ARHGEF9: variants seen among roughly 807,000 people sequenced by gnomAD.
ARHGEF9 encodes the protein rho guanine nucleotide exchange factor 9.
A neutral mutation model predicts 41.3 loss-of-function variants in ARHGEF9; 2 were observed. That is an observed-to-expected ratio of 0.05 (90% CI 0.02 to 0.15). ARHGEF9 has a LOEUF of 0.15. Among genes scored for constraint, ARHGEF9 ranks in the 10% least tolerant of loss-of-function variants. ARHGEF9 has a pLI of 1.00. For synonymous variants in ARHGEF9, 160 were observed against 154.4 expected (o/e 1.04, Z -0.27); for missense variants, 225 against 424.7 (o/e 0.53, Z 4.13).
intron 8 of ARHGEF9, among the ~76,000 whole-genome samples, chrX:63,652,034 A>G (rs1307594250): frequency 8.9e-6 from 1 of 111,834 alleles, no homozygotes; most frequent in Admixed American, 9.6e-5. Flanking sequence ...TGCTAGGAGT[A>G]TAGATTCTAC....
intron 4 of ARHGEF9, among the ~76,000 whole-genome samples, chrX:63,691,310 C>T (rs1272143453): frequency 9.0e-6 from 1 of 110,880 alleles, no homozygotes; most frequent in Non-Finnish European, 1.9e-5. Context: ...ACAAAATCAA[C>T]ATACAAAAAG....
rs201716574 is a variant in ARHGEF9, at chrX:63,635,290, GA to G, written c.*2737del. On this transcript the variant is annotated 3_prime_UTR_variant, in exon 10 of 10. Coordinates refer to ENST00000671741, the MANE Select transcript of ARHGEF9 (RefSeq NM_001353921.2). ...AGAAATATACACATAGAGAGGGGGG[GA>G]AAAAGAGAGAATAATTAGATGTCTG... 28 of 515,440 alleles carry G rather than the reference GA, an allele frequency of 5.4e-5. 1 individual carries two copies. Among genetic ancestry groups the G allele is most frequent in the Admixed American group, 3.6e-4 (13 of 35,802 alleles). The allele number at this position is 515,440 out of a possible 1,213,427, so 42.5% of individuals were successfully genotyped here.
intron 1 of ARHGEF9, among the ~76,000 whole-genome samples, chrX:63,753,798 T>C (rs2055805043): frequency 2.7e-5 from 3 of 111,644 alleles, no homozygotes; most frequent in Admixed American, 1.9e-4. Flanking sequence ...GGAGAGCAAA[T>C]TGAGATTCAA....
intron 3 of ARHGEF9, among the ~76,000 whole-genome samples, chrX:63,701,276 T>C (rs2052148365): frequency 9.0e-6 from 1 of 111,024 alleles, no homozygotes; most frequent in Non-Finnish European, 1.9e-5. Context: ...TAGACCTCAG[T>C]GTCTCTGTCT....
intron 1 of ARHGEF9, among the ~76,000 whole-genome samples, chrX:63,759,808 A>G (rs1166459826): frequency 1.8e-5 from 2 of 112,112 alleles, no homozygotes; most frequent in Non-Finnish European, 3.8e-5. Context: ...TATTTTATAG[A>G]TGAGGAAACT....
chrX:63,754,945 C>A (rs1454478171), intron 1 of ARHGEF9: 3 of 939,805 alleles, frequency 3.2e-6, no homozygotes, highest in Non-Finnish European at 4.0e-6. Context: ...CCGGCGCCTG[C>A]TCAGTCTGTC....
chrX:63,753,842 C>T (rs2055809344), intron 1 of ARHGEF9, among the ~76,000 whole-genome samples: 2 of 111,927 alleles, frequency 1.8e-5, no homozygotes, highest in South Asian at 3.7e-4. Flanking sequence ...CACAACACAC[C>T]CGTGTCACTT....
intron 1 of ARHGEF9, chrX:63,743,260 A>T (rs1476196113): frequency 8.9e-6 from 1 of 112,283 alleles, no homozygotes; most frequent in East Asian, 2.8e-4. Context: ...TACAGAGGGA[A>T]TCTTAAATGG....
At chrX:63,758,073 A>G (rs1556448151) in intron 1 of ARHGEF9, among the ~76,000 whole-genome samples, 1 of 109,401 alleles carries the variant, frequency 9.1e-6, no homozygotes, top group Non-Finnish European at 1.9e-5. Flanking sequence ...GTGTTACCGT[A>G]GGTTCCAGTG....
rs1353460994 is a variant in ARHGEF9, at chrX:63,706,293, G to A, written c.367C>T (p.Arg123Cys). ...NVINEIMSTE[R>C]HYIKHLKDIC... ...TCCTTGAGGTGCTTGATGTAGTGAC[G>A]CTCAGTGCTCATTATCTCATTGATG... Residue 123 changes from arginine to cysteine, a missense_variant, in exon 3 of 10, where the codon CGT (arginine) becomes TGT (cysteine). Around this residue, in one of 3 missense-constraint regions of ARHGEF9, gnomAD observed 114 missense variants for 197.9 expected, o/e 0.58. Transcript: ENST00000671741. 10 of 1,204,809 alleles carry A rather than the reference G, an allele frequency of 8.3e-6. No homozygotes were observed. Among genetic ancestry groups the A allele is most frequent in the Non-Finnish European group, 1.1e-5 (10 of 892,106 alleles).
At chrX:63,697,355 G>A in intron 3 of ARHGEF9, 51 bp from the exon 4 acceptor site, 1 of 1,119,658 alleles carries the variant, frequency 8.9e-7, no homozygotes, top group Non-Finnish European at 1.2e-6. Flanking sequence ...CTTCCAGAAG[G>A]CTTTACACTT....
intron 8 of ARHGEF9, among the ~76,000 whole-genome samples, chrX:63,646,476 T>C (rs1163639754): frequency 8.9e-6 from 1 of 112,180 alleles, no homozygotes; most frequent in Non-Finnish European, 1.9e-5. Flanking sequence ...GCACCATTTA[T>C]TAAATAGGGA....
At chrX:63,649,920 AAAGT>A (rs1173297175) in intron 8 of ARHGEF9, among the ~76,000 whole-genome samples, 9 of 112,020 alleles carry the variant, frequency 8.0e-5, no homozygotes, top group Non-Finnish European at 1.5e-4. Flanking sequence ...CAAAATAAAC[AAAGT>A]AAGTATTCAG....
chrX:63,706,533 ACTT>A, intron 2 of ARHGEF9, 84 bp from the exon 3 acceptor site: 2 of 1,026,847 alleles, frequency 1.9e-6, no homozygotes, highest in African/African-American at 1.9e-5. Context: ...GATGAACTGA[ACTT>A]CTCAGGTATT....
chrX:63,754,646 G>T, intron 1 of ARHGEF9: 1 of 1,008,934 alleles, frequency 9.9e-7, no homozygotes, highest in Non-Finnish European at 1.3e-6. Context: ...GTCAGTCTCT[G>T]TTCTGTCAGA....
At chrX:63,673,592 T>C (rs1299431951) in intron 6 of ARHGEF9, among the ~76,000 whole-genome samples, 1 of 110,567 alleles carries the variant, frequency 9.0e-6, no homozygotes, top group Non-Finnish European at 1.9e-5. Flanking sequence ...CTAATAGATG[T>C]GCTAGGGTGA....
At chrX:63,706,793 C>G (rs1170462602) in intron 2 of ARHGEF9, among the ~76,000 whole-genome samples, 5 of 112,181 alleles carry the variant, frequency 4.5e-5, no homozygotes, top group Non-Finnish European at 9.4e-5. Flanking sequence ...ATTTATGCAC[C>G]TGCAAGTATA....
chrX:63,700,577 C>A (rs781906290), intron 3 of ARHGEF9, among the ~76,000 whole-genome samples: 4 of 111,528 alleles, frequency 3.6e-5, no homozygotes, highest in African/African-American at 1.3e-4. Flanking sequence ...ATGGGAGAGG[C>A]AATTGGAAGG....
chrX:63,718,001 C>T (rs1309240066), intron 2 of ARHGEF9, among the ~76,000 whole-genome samples: 1 of 111,747 alleles, frequency 8.9e-6, no homozygotes. Context: ...TCAGATCTGT[C>T]CTGAGGTATA....
Sources: gnomAD v4.1 joint callset for allele counts (sites outside exome capture counted in the v4.1 genomes callset) on GRCh38, gnomAD v4.1.1 for gene constraint, gnomAD v4.1.1 regional missense constraint, MANE v1.5 for transcripts, NCBI Gene and HGNC (gene_info 2026-07-23, HGNC 2026-07-21) for gene names.